DPH6: variants seen among roughly 807,000 people sequenced by gnomAD.
DPH6 encodes the protein diphthamine biosynthesis 6.
In DPH6, 33 loss-of-function variants were observed where a neutral mutation model predicts 38.2. The ratio of observed to expected loss-of-function variants is 0.86; its 90% CI spans 0.65 to 1.15. The LOEUF is 1.15. Among genes scored for constraint, DPH6 ranks in the 50% most tolerant of loss-of-function variants. The pLI, the probability that DPH6 is intolerant of heterozygous loss-of-function variation, is 0.00. For missense variants in DPH6, 325 were observed against 320.0 expected, an observed-to-expected ratio of 1.02 and a Z score of -0.12; for synonymous variants, 108 against 103.0, an observed-to-expected ratio of 1.05 and a Z score of -0.30.
intron 3 of DPH6, among the ~76,000 whole-genome samples, chr15:35,514,596 A>G (rs1482156955): frequency 6.6e-6 from 1 of 152,192 alleles, no homozygotes; most frequent in Non-Finnish European, 1.5e-5. Flanking sequence ...GTTCTGAATC[A>G]TACGACTTCA....
At chr15:35,237,213 C>A in intron 3 of DPH6, 1 of 897,076 alleles carries the variant, frequency 1.1e-6, no homozygotes, top group Non-Finnish European at 1.8e-6. Flanking sequence ...GCCGGGGGTG[C>A]TGGGGGCTCG....
chr15:35,273,460 T>A (rs897140339), intron 3 of DPH6, among the ~76,000 whole-genome samples: 3 of 152,356 alleles, frequency 2.0e-5, no homozygotes, highest in Non-Finnish European at 2.9e-5. Context: ...TCAAATTGTC[T>A]GTTTGCGGAC....
intron 3 of DPH6, among the ~76,000 whole-genome samples, chr15:35,284,164 T>C (rs1455668955): frequency 1.3e-5 from 2 of 152,192 alleles, no homozygotes; most frequent in African/African-American, 4.8e-5. Context: ...CTATCCTCAC[T>C]CATCAGCTGC....
chr15:35,511,338 G>A (rs553574594), intron 3 of DPH6, among the ~76,000 whole-genome samples: 1 of 152,118 alleles, frequency 6.6e-6, no homozygotes, highest in Non-Finnish European at 1.5e-5. Context: ...TAACTTAAGC[G>A]TTTAAATTGG....
chr15:35,293,793 C>CTGG (rs1251941690), intron 3 of DPH6, among the ~76,000 whole-genome samples: 3 of 152,220 alleles, frequency 2.0e-5, no homozygotes, highest in Non-Finnish European at 4.4e-5. Context: ...GTGTCCCTGA[C>CTGG]TGGTGCAGAA....
chr15:35,445,115 G>C (rs2053835472), intron 5 of DPH6, among the ~76,000 whole-genome samples: 1 of 152,174 alleles, frequency 6.6e-6, no homozygotes, highest in African/African-American at 2.4e-5. Context: ...TAACTCCAGA[G>C]AGGAGTTGTT....
the DPH6 span, among the ~76,000 whole-genome samples, chr15:35,174,260 C>T: frequency 1.1e-3 from 166 of 152,106 alleles, 1 homozygote; most frequent in Non-Finnish European, 2.0e-3. Flanking sequence ...TTTGAAGCCA[C>T]GGAAAACTTG....
intron 3 of DPH6, among the ~76,000 whole-genome samples, chr15:35,475,529 T>C (rs1363140480): frequency 6.6e-6 from 1 of 152,002 alleles, no homozygotes; most frequent in African/African-American, 2.4e-5. Context: ...TGCTATGCTA[T>C]TGTGGAAACA....
rs1038847451 is a variant in DPH6, at chr15:35,371,933, G to A, written c.*217C>T. 9.8e-5 allele frequency: 122 copies of A among 1,246,444 alleles called. No homozygotes were observed. The highest frequency in any genetic ancestry group is 3.2e-4 in the Middle Eastern group (1 of 3,164). The allele number at this position is 1,246,444 out of a possible 1,614,324, so 77.2% of individuals were successfully genotyped here. Reference sequence around the variant, plus strand: ...GGAAGATGTGTTAACGAAAGAGAAAGAGTGAATTCCAAGAAAGTTGGCACT... The same window carrying A: ...GGAAGATGTGTTAACGAAAGAGAAAAAGTGAATTCCAAGAAAGTTGGCACT... On this transcript the variant is annotated 3_prime_UTR_variant, in exon 9 of 9. Coordinates refer to ENST00000256538, the MANE Select transcript of DPH6 (RefSeq NM_080650.4).
chr15:35,282,345 T>A (rs1040703418), intron 3 of DPH6, among the ~76,000 whole-genome samples: 2 of 152,112 alleles, frequency 1.3e-5, no homozygotes, highest in Admixed American at 6.5e-5. Context: ...CTAATTTTTT[T>A]ATTTTTACTT....
intron 3 of DPH6, among the ~76,000 whole-genome samples, chr15:35,505,407 G>C (rs1469310086): frequency 6.6e-6 from 1 of 152,048 alleles, no homozygotes; most frequent in Non-Finnish European, 1.5e-5. Flanking sequence ...GCACAGAAGA[G>C]AGTAATGATG....
At chr15:35,267,548 A>G (rs776797652) in intron 3 of DPH6, among the ~76,000 whole-genome samples, 7 of 152,130 alleles carry the variant, frequency 4.6e-5, no homozygotes, top group Non-Finnish European at 1.0e-4. Context: ...AATTCTAATT[A>G]TCTCATGCTT....
intron 6 of DPH6, among the ~76,000 whole-genome samples, chr15:35,402,609 T>C (rs1002268746): frequency 2.0e-5 from 3 of 152,116 alleles, no homozygotes; most frequent in Non-Finnish European, 2.9e-5. Flanking sequence ...TCTTAGGACA[T>C]AAAGCCCCAC....
chr15:35,407,622 C>T (rs531958473), intron 6 of DPH6, among the ~76,000 whole-genome samples: 6 of 152,016 alleles, frequency 3.9e-5, no homozygotes, highest in African/African-American at 1.2e-4. Context: ...TCAGGGAAAG[C>T]TTCTTTGAGG....
At chr15:35,452,054 G>T (rs1011844338) in intron 4 of DPH6, among the ~76,000 whole-genome samples, 1 of 151,876 alleles carries the variant, frequency 6.6e-6, no homozygotes, top group Non-Finnish European at 1.5e-5. Flanking sequence ...TAGATCATAG[G>T]ATTCCTCTGC....
chr15:35,543,957 T>C (rs1000395361), intron 1 of DPH6, among the ~76,000 whole-genome samples: 1 of 152,216 alleles, frequency 6.6e-6, no homozygotes, highest in Non-Finnish European at 1.5e-5. Flanking sequence ...ATTTCAAATA[T>C]GGTTTTAAGC....
downstream of DPH6, among the ~76,000 whole-genome samples, chr15:35,370,409 T>C (rs570931916): frequency 6.6e-5 from 10 of 151,730 alleles, no homozygotes; most frequent in South Asian, 1.9e-3. Context: ...AGACAAAACA[T>C]AGAATGGTAG....
intron 3 of DPH6, among the ~76,000 whole-genome samples, chr15:35,265,598 C>T (rs2051778138): frequency 1.3e-5 from 2 of 152,050 alleles, no homozygotes; most frequent in Non-Finnish European, 2.9e-5. Context: ...GTGTTAGCAC[C>T]CAGCAAGACA....
chr15:35,336,134 T>G (rs540898798), intron 3 of DPH6, among the ~76,000 whole-genome samples: 1 of 152,280 alleles, frequency 6.6e-6, no homozygotes, highest in South Asian at 2.1e-4. Flanking sequence ...ATTCTTTTTG[T>G]AGCAATTGTG....
Sources: allele counts gnomAD v4.1 joint callset (sites outside exome capture counted in the v4.1 genomes callset), GRCh38; gene constraint gnomAD v4.1.1; transcripts MANE v1.5; gene names NCBI Gene and HGNC (gene_info 2026-07-23, HGNC 2026-07-21).